The following TESC variants were observed in gnomAD, a reference collection of about 807,000 sequenced individuals.
TESC encodes the protein calcineurin B homologous protein 3.
Under a neutral mutation model 31.0 loss-of-function variants are expected in TESC, and 19 were observed. The ratio of observed to expected loss-of-function variants is 0.61; its 90% CI spans 0.43 to 0.90. The LOEUF (loss-of-function observed/expected upper bound fraction) is 0.90, where lower values mean the gene tolerates loss of function less well. Ranked by LOEUF, TESC falls within the 40% of genes least tolerant of loss-of-function variation. The pLI, the probability that TESC is intolerant of heterozygous loss-of-function variation, is 0.00. For synonymous variants in TESC, 109 were observed against 114.8 expected (o/e 0.95, Z 0.32); for missense variants, 248 against 303.8 (o/e 0.82, Z 1.36).
At chr12:117,095,432 A>G (rs996575901) in intron 1 of TESC, among the ~76,000 whole-genome samples, 2 of 152,234 alleles carry the variant, frequency 1.3e-5, no homozygotes, top group Admixed American at 6.5e-5. Flanking sequence ...CTGATTGTAC[A>G]CATCAAATGA....
chr12:117,085,905 T>A (rs565338652), intron 1 of TESC, among the ~76,000 whole-genome samples: 1 of 152,164 alleles, frequency 6.6e-6, no homozygotes, highest in Non-Finnish European at 1.5e-5. Context: ...ACCACCAACA[T>A]GGCAACTACT....
At chr12:117,046,972 G>A in intron 4 of TESC, 134 bp from the exon 5 acceptor site, 1 of 939,840 alleles carries the variant, frequency 1.1e-6, no homozygotes, top group Non-Finnish European at 1.6e-6. Flanking sequence ...GTCAGGGCAT[G>A]AGCTGTGGGA....
chr12:117,042,725 GC>G (rs1954503129), intron 6 of TESC, among the ~76,000 whole-genome samples: 1 of 152,178 alleles, frequency 6.6e-6, no homozygotes, highest in Admixed American at 6.5e-5. Context: ...CCACCGACAA[GC>G]CTCCAAAAAC....
At chr12:117,054,849 T>C (rs1592999294) in intron 3 of TESC, among the ~76,000 whole-genome samples, 1 of 152,156 alleles carries the variant, frequency 6.6e-6, no homozygotes, top group Admixed American at 6.5e-5. Flanking sequence ...TTTGCAGACA[T>C]GGGGACCGTG....
rs1955437540 is a variant in TESC at position 117,099,148 on chromosome 12, C to T, written c.58+77G>A. 7.1e-6 allele frequency: 10 copies of T among 1,403,816 alleles called. No homozygotes were observed. The South Asian group carries it at 1.4e-4, about 20-fold the overall frequency. The allele number at this position is 1,403,816 out of a possible 1,614,324, so 87.0% of individuals were successfully genotyped here. A position where few individuals can be genotyped will look rare whatever the true frequency, so the allele number is the denominator to read the frequency against. Reference sequence around the variant, plus strand: ...ACTGGCCCAAGGTCACACAGCGCGGCGGCGGGCCGGGGTCCCCAACAGTGG... The same window carrying T: ...ACTGGCCCAAGGTCACACAGCGCGGTGGCGGGCCGGGGTCCCCAACAGTGG... On this transcript the variant is annotated intron_variant, in intron 1 of 7. Coordinates refer to ENST00000335209, the MANE Select transcript of TESC (RefSeq NM_017899.4).
chr12:117,097,717 C>A (rs1394602315), intron 1 of TESC, among the ~76,000 whole-genome samples: 1 of 152,000 alleles, frequency 6.6e-6, no homozygotes, highest in South Asian at 2.1e-4. Context: ...GGAGAAAAAG[C>A]TCACTCTCCC....
intron 7 of TESC, among the ~76,000 whole-genome samples, chr12:117,041,435 C>T (rs557004881): frequency 5.9e-5 from 9 of 152,164 alleles, no homozygotes; most frequent in East Asian, 1.9e-4. Flanking sequence ...TGGATTCAAG[C>T]GATCCTCCCG....
At chr12:117,096,057 TAA>T (rs1164381160) in intron 1 of TESC, among the ~76,000 whole-genome samples, 1 of 152,144 alleles carries the variant, frequency 6.6e-6, no homozygotes, top group East Asian at 1.9e-4. Flanking sequence ...ATCATTACTA[TAA>T]AGAGTGTTAT....
At chr12:117,056,722 G>C (rs1415025382) in intron 3 of TESC, 84 bp downstream of exon 3, 2 of 1,448,938 alleles carry the variant, frequency 1.4e-6, no homozygotes, top group Admixed American at 3.4e-5. Flanking sequence ...CAGCTCAAAG[G>C]GTCATTCTAG....
chr12:117,072,491 A>G (rs1318762395), intron 2 of TESC, among the ~76,000 whole-genome samples: 1 of 152,216 alleles, frequency 6.6e-6, no homozygotes, highest in Admixed American at 6.5e-5. Context: ...CCACAAAGCC[A>G]ATGGCATGAA....
intron 2 of TESC, among the ~76,000 whole-genome samples, chr12:117,074,678 CAT>C (rs1386179746): frequency 1.3e-5 from 2 of 152,152 alleles, no homozygotes; most frequent in African/African-American, 4.8e-5. Context: ...ACAGGACCTC[CAT>C]ATGTGTCTGA....
At chr12:117,062,410 T>C (rs532178102) in intron 2 of TESC, among the ~76,000 whole-genome samples, 3 of 152,150 alleles carry the variant, frequency 2.0e-5, no homozygotes, top group Non-Finnish European at 2.9e-5. Flanking sequence ...TTAGTAGAGA[T>C]GGGGTTTCAC....
intron 2 of TESC, among the ~76,000 whole-genome samples, chr12:117,064,931 C>A (rs1954854506): frequency 6.6e-6 from 1 of 152,200 alleles, no homozygotes; most frequent in Non-Finnish European, 1.5e-5. Context: ...AGCCCAGGCT[C>A]AAAAACCCTG....
At chr12:117,081,883 A>G (rs1396462497) in intron 1 of TESC, among the ~76,000 whole-genome samples, 2 of 151,848 alleles carry the variant, frequency 1.3e-5, no homozygotes, top group East Asian at 3.9e-4. Flanking sequence ...CAGCCTGGGC[A>G]ACAAGAGCAA....
intron 6 of TESC, among the ~76,000 whole-genome samples, chr12:117,045,529 G>A (rs554732576): frequency 2.0e-5 from 3 of 152,310 alleles, no homozygotes; most frequent in South Asian, 4.1e-4. Context: ...TGCTGAGTGC[G>A]GAGGTTTCAC....
intron 6 of TESC, among the ~76,000 whole-genome samples, chr12:117,044,171 G>A (rs1954523808): frequency 6.6e-6 from 1 of 152,134 alleles, no homozygotes; most frequent in Non-Finnish European, 1.5e-5. Context: ...GGCTGAGGTA[G>A]GAGGATGGCT....
chr12:117,042,493 G>C (rs1270073469), intron 6 of TESC, among the ~76,000 whole-genome samples: 1 of 152,232 alleles, frequency 6.6e-6, no homozygotes, highest in South Asian at 2.1e-4. Context: ...TCAGGGGAGA[G>C]GTCAGGGAAA....
In TESC at chr12:117,045,324, C is replaced by T. The variant is rs145497760; in HGVS notation, c.519+1235G>A. 9.3e-4 allele frequency among the ~76,000 whole-genome samples: 141 copies of T among 152,330 alleles called. No individual in the cohort carries two copies. In the East Asian group the frequency reaches 0.021, roughly 23 times the overall value. On this transcript the variant is annotated intron_variant, in intron 6 of 7. Coordinates refer to ENST00000335209, the MANE Select transcript of TESC (RefSeq NM_017899.4). ...CAGGCTGCGGGGGTTTTATGCAGAT[C>T]AGCAGCTGGCAGCTGCCAGCAATTT... is the stretch of plus-strand genomic sequence containing the variant.
chr12:117,039,105 G>A lies in TESC; in HGVS notation c.*28C>T, dbSNP rs749660181. On this transcript the variant is annotated 3_prime_UTR_variant, in exon 8 of 8. Coordinates refer to ENST00000335209, the MANE Select transcript of TESC (RefSeq NM_017899.4). ...CGGGGAGGCGGCCCCATTGCAAAGT[G>A]CAGTTTCTCCGCGGAGGTGGCGGTG... is the stretch of plus-strand genomic sequence containing the variant. The A allele has an allele frequency of 1.1e-4, 174 of 1,611,706 alleles. No individual in the cohort carries two copies. The highest frequency in any genetic ancestry group is 1.4e-4 in the Non-Finnish European group (170 of 1,179,020).
Sources: allele counts gnomAD v4.1 joint callset (sites outside exome capture counted in the v4.1 genomes callset), GRCh38; gene constraint gnomAD v4.1.1; transcripts MANE v1.5; gene names NCBI Gene and HGNC (gene_info 2026-07-23, HGNC 2026-07-21).